EPX: variants seen among roughly 807,000 people sequenced by gnomAD.
EPX encodes eosinophil peroxidase.
In EPX, 60 loss-of-function variants were observed where a neutral mutation model predicts 73.0. That is an observed-to-expected ratio of 0.82 (90% CI 0.67 to 1.02). The LOEUF is 1.02. EPX is among the 50% of genes least tolerant of loss of function. The probability of loss-of-function intolerance (pLI) is 0.00; values close to 1 mark genes in which losing one functional copy is unlikely to be tolerated. For synonymous variants in EPX, 347 were observed against 389.2 expected (o/e 0.89, Z 1.28); for missense variants, 950 against 973.9 (o/e 0.98, Z 0.33).
At chr17:58,194,808 G>A (rs1303231725) in intron 5 of EPX, among the ~76,000 whole-genome samples, 156 bp from the exon 6 acceptor site, 1 of 152,232 alleles carries the variant, frequency 6.6e-6, no homozygotes. Context: ...AGCAGGAGGT[G>A]GCTACGCCTC....
intron 10 of EPX, 67 bp from the exon 11 acceptor site, chr17:58,203,014 G>A (rs534006563): frequency 5.0e-6 from 6 of 1,199,942 alleles, no homozygotes; most frequent in Non-Finnish European, 5.0e-6. Context: ...CAGAGGACTG[G>A]TGGAGAAAAA....
In EPX at chr17:58,199,114, G is replaced by C. The variant is rs767410403; in HGVS notation, c.1195G>C (p.Ala399Pro). The C allele has an allele frequency of 3.1e-6, 5 of 1,614,000 alleles. No homozygotes were observed. The highest frequency in any genetic ancestry group is 4.2e-6 in the Non-Finnish European group (5 of 1,179,968). The change falls in exon 8 of 13, where the codon GCC becomes CCC. Residue 399 changes from alanine (A) to proline (P), a missense_variant. Ala to Pro is a conservative substitution (Grantham distance 27, BLOSUM62 -1). Coordinates refer to ENST00000225371, the MANE Select transcript of EPX (RefSeq NM_000502.6). ...TLFMREHNRL[A>P]TELRRLNPRW... The stretch of plus-strand genomic sequence containing the variant: ...CTTTATGCGAGAGCACAACCGGCTG[G>C]CCACCGAGCTGAGACGCCTGAATCC...
At chr17:58,201,125 G>A (rs1968335914) in intron 10 of EPX, among the ~76,000 whole-genome samples, 1 of 152,124 alleles carries the variant, frequency 6.6e-6, no homozygotes, top group African/African-American at 2.4e-5. Flanking sequence ...GGAAGGTTTT[G>A]GCCACTGCCT....
At chr17:58,204,074 ATT>A (rs1320694868) in intron 11 of EPX, 146 bp from the exon 12 acceptor site, 38 of 685,032 alleles carry the variant, frequency 5.5e-5, no homozygotes, top group Admixed American at 1.3e-4. Flanking sequence ...TGGCCACTGA[ATT>A]TGTTTCATTT....
Position 58,199,054 on chromosome 17 carries a change from A to G in EPX, c.1135A>G (p.Thr379Ala), listed in dbSNP as rs1968301077. ...PCFLAGDTRS[T>A]ETPKLAAMHT... ...GGGTTTTCAAGGTGACACCCGATCA[A>G]CGGAAACCCCCAAACTGGCAGCCAT... is the stretch of plus-strand genomic sequence containing the variant. The change falls in exon 8 of 13, where the codon ACG becomes GCG. Residue 379 changes from threonine to alanine, a missense_variant. By Grantham distance (58) the Thr-to-Ala change is moderately conservative (BLOSUM62 0). Coordinates refer to ENST00000225371, the MANE Select transcript of EPX (RefSeq NM_000502.6). 1 of 1,613,908 alleles carries G rather than the reference A, an allele frequency of 6.2e-7. No homozygotes were observed. The highest frequency in any genetic ancestry group is 8.5e-7 in the Non-Finnish European group (1 of 1,180,026).
chr17:58,198,709 C>CT (rs1968295795), intron 7 of EPX, among the ~76,000 whole-genome samples: 1 of 152,220 alleles, frequency 6.6e-6, no homozygotes, highest in Non-Finnish European at 1.5e-5. Context: ...TCAAGGTGCC[C>CT]TTGCCCATAG....
intron 10 of EPX, among the ~76,000 whole-genome samples, chr17:58,200,678 T>G (rs929158734): frequency 6.6e-6 from 1 of 151,986 alleles, no homozygotes; most frequent in African/African-American, 2.4e-5. Context: ...ACTTTCCAAG[T>G]AGAAAAAAAG....
rs1353064405 is a variant in EPX, at chr17:58,197,045, A to G, written c.908A>G (p.Asn303Ser). ...AAGAACAGAGTCCGCAACCAGATCAACGCGCTCACCTCCTTTGTGGACGCC... is the reference window on the plus strand; with the variant it reads ...AAGAACAGAGTCCGCAACCAGATCAGCGCGCTCACCTCCTTTGTGGACGCC... ...QNKNRVRNQI[N>S]ALTSFVDASM... The change falls in exon 7 of 13, where the codon AAC (asparagine) becomes AGC (serine). Residue 303 changes from asparagine to serine, a missense_variant. Asn to Ser is a conservative substitution (Grantham distance 46). Transcript: ENST00000225371. 5.0e-6 allele frequency: 8 copies of G among 1,614,018 alleles called. No homozygotes were observed. The highest frequency in any genetic ancestry group is 2.7e-5 in the African/African-American group (2 of 74,902).
At chr17:58,201,154 ACCT>A (rs1369264234) in intron 10 of EPX, among the ~76,000 whole-genome samples, 1 of 151,968 alleles carries the variant, frequency 6.6e-6, no homozygotes, top group Admixed American at 6.6e-5. Context: ...TCTCCTTCCC[ACCT>A]CCTACCTCCC....
chr17:58,198,672 T>C (rs188571314), intron 7 of EPX, among the ~76,000 whole-genome samples: 4 of 152,288 alleles, frequency 2.6e-5, no homozygotes, highest in Admixed American at 1.3e-4. Context: ...ATGCAGCTCA[T>C]GGACAGGTGG....
At chr17:58,192,994 G>T (rs1449613265) in intron 1 of EPX, 44 bp from the exon 2 acceptor site, 2 of 1,592,614 alleles carry the variant, frequency 1.3e-6, no homozygotes, top group African/African-American at 1.3e-5. Flanking sequence ...CTTGGAGGGG[G>T]TCTTGTGGCT....
intron 9 of EPX, 85 bp downstream of exon 9, chr17:58,199,879 C>A: frequency 1.4e-6 from 2 of 1,461,994 alleles, no homozygotes. Flanking sequence ...TGCCAGGAAG[C>A]CAGGCTGCTG....
intron 5 of EPX, among the ~76,000 whole-genome samples, 184 bp from the exon 6 acceptor site, chr17:58,194,780 C>A (rs1318791509): frequency 6.6e-6 from 1 of 152,206 alleles, no homozygotes; most frequent in African/African-American, 2.4e-5. Context: ...AGCCAGAAAC[C>A]ATCCTTCTAG....
chr17:58,192,860 C>T lies in EPX; in HGVS notation c.14C>T (p.Pro5Leu), dbSNP rs1363415471. The change falls in exon 1 of 13, where the codon CCA (proline) becomes CTA (leucine). Residue 5 changes from proline to leucine, a missense_variant. Coordinates refer to ENST00000225371, the MANE Select transcript of EPX (RefSeq NM_000502.6). MHLL[P>L]ALAGVLATLV... ...CTCGCTGCAGAGATGCATCTGCTCC[C>T]AGCCCTGGCAGGGGTCCTGGCCACA... is the stretch of plus-strand genomic sequence containing the variant. The T allele has an allele frequency of 3.7e-6, 6 of 1,613,934 alleles. No homozygotes were observed. In the African/African-American group the frequency reaches 8.0e-5, roughly 22 times the overall value.
intron 9 of EPX, 146 bp from the exon 10 acceptor site, chr17:58,200,079 T>C (rs1409459274): frequency 2.5e-6 from 2 of 790,412 alleles, no homozygotes; most frequent in African/African-American, 3.4e-5. Flanking sequence ...CTGCTTCATG[T>C]CTCTCCAGAA....
In EPX at chr17:58,200,363, A is replaced by G; in HGVS notation, c.1676A>G (p.Asn559Ser). The change falls in exon 10 of 13, where the codon AAC becomes AGC. Residue 559 changes from asparagine to serine, a missense_variant. Physicochemically the swap from Asn to Ser is conservative, Grantham distance 46. Coordinates refer to ENST00000225371, the MANE Select transcript of EPX (RefSeq NM_000502.6). The stretch of plus-strand genomic sequence containing the variant: ...ATTGGGCTGGACCTGGCAGCTCTCA[A>G]CATGCAACGAAGCCGGGACCACGGC... Reference protein sequence around the residue: ...RRIGLDLAALNMQRSRDHGLP... With the variant: ...RRIGLDLAALSMQRSRDHGLP... 2 of 1,614,184 alleles carry G rather than the reference A, an allele frequency of 1.2e-6. No individual in the cohort carries two copies. Among genetic ancestry groups the G allele is most frequent in the Non-Finnish European group, 8.5e-7 (1 of 1,180,038 alleles).
At chr17:58,198,101 G>A (rs1040111398) in intron 7 of EPX, among the ~76,000 whole-genome samples, 6 of 152,186 alleles carry the variant, frequency 3.9e-5, no homozygotes, top group Non-Finnish European at 5.9e-5. Flanking sequence ...CTCCCAAAGT[G>A]TTGGGATTAC....
chr17:58,201,299 T>G (rs976719006), intron 10 of EPX, among the ~76,000 whole-genome samples: 3 of 152,330 alleles, frequency 2.0e-5, no homozygotes, highest in Admixed American at 1.3e-4. Flanking sequence ...TTCTTTCCTT[T>G]CTTAAACTTG....
chr17:58,193,539 T>C lies in EPX; in HGVS notation c.339T>C (p.Asn113=), dbSNP rs1252297083. The change falls in exon 3 of 13, where the codon AAT becomes AAC. Residue 113 remains asparagine (N), a synonymous_variant. Transcript: ENST00000225371. ...AACCCCAGCGGTCCGGACCCTTCAA[T>C]GTCACTGGTACTCTGATCCCCACTG... The part of the protein sequence containing the change: ...KLQPQRSGPF[N]VTDVLTEPQL... The C allele has an allele frequency of 3.7e-6, 6 of 1,614,012 alleles. No homozygotes were observed. Among genetic ancestry groups the C allele is most frequent in the Non-Finnish European group, 5.1e-6 (6 of 1,179,942 alleles).
Sources: gnomAD v4.1 joint callset for allele counts (sites outside exome capture counted in the v4.1 genomes callset) on GRCh38, gnomAD v4.1.1 for gene constraint, MANE v1.5 for transcripts, NCBI Gene and HGNC (gene_info 2026-07-23, HGNC 2026-07-21) for gene names.